Variants in CFDP1 observed in about 807,000 individuals in gnomAD.
CFDP1 encodes the protein heterochromatin-stabilizing protein CFDP1.
CFDP1 carries 31 observed loss-of-function variants against 40.1 expected under a neutral mutation model. That is an observed-to-expected ratio of 0.77 (90% CI 0.58 to 1.04). The LOEUF (loss-of-function observed/expected upper bound fraction) is 1.04. Ranked by LOEUF, CFDP1 falls within the 50% of genes least tolerant of loss-of-function variation. The probability of loss-of-function intolerance (pLI) is 0.00; values close to 1 mark genes in which losing one functional copy is unlikely to be tolerated. For missense variants in CFDP1, 423 were observed against 343.4 expected, an observed-to-expected ratio of 1.23 and a Z score of -1.83; for synonymous variants, 167 against 120.0, an observed-to-expected ratio of 1.39 and a Z score of -2.56.
At position 75,395,102 on chromosome 16, in the gene CFDP1, G is replaced by C. The variant is rs2078985337; in HGVS notation, c.638C>G (p.Pro213Arg). ...ANVPSALPSLPAGSGLKRSSG... is the reference protein window; with the variant it reads ...ANVPSALPSLRAGSGLKRSSG... ...CTCAAATACTCACCCTGACCCGGCA[G>C]GGAGTGATGGCAGAGCTGAAGGAAC... Residue 213 changes from proline (P) to arginine (R), a missense_variant, in exon 5 of 7, where the codon CCT becomes CGT. Coordinates refer to ENST00000283882, the MANE Select transcript of CFDP1 (RefSeq NM_006324.3). 1 of 1,613,866 alleles carries C rather than the reference G, an allele frequency of 6.2e-7. No individual in the cohort carries two copies. The highest frequency in any genetic ancestry group is 2.2e-5 in the East Asian group (1 of 44,868).
chr16:75,377,614 T>C (rs1036724601), intron 5 of CFDP1, among the ~76,000 whole-genome samples: 1 of 152,180 alleles, frequency 6.6e-6, no homozygotes, highest in Non-Finnish European at 1.5e-5. Context: ...ACTCCTTGTG[T>C]TCAAGTACAA....
rs1360849534 is a variant in CFDP1, at chr16:75,405,683, A to G, written c.530+6142T>C. ...GGAGAACTGCTTGAACCAAGGAGGT[A>G]AAGTTGCAGTGAGCTGAGATTGTGT... On this transcript the variant is annotated intron_variant, in intron 4 of 6. Coordinates refer to ENST00000283882, the MANE Select transcript of CFDP1 (RefSeq NM_006324.3). 9.9e-5 allele frequency among the ~76,000 whole-genome samples: 15 copies of G among 151,860 alleles called. 1 individual carries two copies. The highest frequency in any genetic ancestry group is 8.3e-4 in the South Asian group (4 of 4,796).
chr16:75,422,828 G>A (rs2865527), intron 1 of CFDP1, among the ~76,000 whole-genome samples: 113,032 of 151,370 alleles, frequency 0.75, 42,160 homozygotes, highest in Middle Eastern at 0.79. Context: ...CCTGGGTGAC[G>A]GAGCAAAACC....
At chr16:75,391,841 C>T (rs1221773412) in intron 5 of CFDP1, among the ~76,000 whole-genome samples, 1 of 151,776 alleles carries the variant, frequency 6.6e-6, no homozygotes. Context: ...TGGTGGCGGG[C>T]GCCTGTAATC....
At chr16:75,349,919 A>G (rs556436667) in intron 5 of CFDP1, among the ~76,000 whole-genome samples, 1 of 151,808 alleles carries the variant, frequency 6.6e-6, no homozygotes, top group South Asian at 2.1e-4. Flanking sequence ...AATACAAAGT[A>G]GAATAGAGAT....
At chr16:75,387,045 C>T (rs2078904059) in intron 5 of CFDP1, among the ~76,000 whole-genome samples, 1 of 151,926 alleles carries the variant, frequency 6.6e-6, no homozygotes, top group Admixed American at 6.6e-5. Context: ...TATTTTAAAA[C>T]AAATTAAGAA....
chr16:75,374,716 C>T (rs2078778956), intron 5 of CFDP1, among the ~76,000 whole-genome samples: 2 of 151,976 alleles, frequency 1.3e-5, no homozygotes, highest in African/African-American at 4.8e-5. Context: ...TATTTTAGCC[C>T]TATTAAATAT....
At chr16:75,330,985 A>AAAAAAAAAC (rs1555554967) in intron 5 of CFDP1, among the ~76,000 whole-genome samples, 1 of 142,616 alleles carries the variant, frequency 7.0e-6, no homozygotes. Flanking sequence ...AAAAAAAAAA[A>AAAAAAAAAC]CACAAAGTGG....
chr16:75,306,754 G>A (rs1280669063), intron 5 of CFDP1, among the ~76,000 whole-genome samples: 1 of 152,144 alleles, frequency 6.6e-6, no homozygotes, highest in Non-Finnish European at 1.5e-5. Flanking sequence ...TTTCTCATTA[G>A]TTACTTTACT....
chr16:75,378,595 C>T (rs2078823297), intron 5 of CFDP1, among the ~76,000 whole-genome samples: 1 of 152,056 alleles, frequency 6.6e-6, no homozygotes, highest in African/African-American at 2.4e-5. Flanking sequence ...AAAATCTACG[C>T]CTTCAAGCTC....
intron 5 of CFDP1, among the ~76,000 whole-genome samples, chr16:75,344,952 G>GA (rs1189413572): frequency 6.6e-6 from 1 of 151,930 alleles, no homozygotes; most frequent in Non-Finnish European, 1.5e-5. Flanking sequence ...AAAGAAGAAA[G>GA]AAAAAAAGAA....
rs370390074 is a variant in CFDP1, at chr16:75,425,890, G to A, written c.64+7399C>T. ...ATCTCCACTAAAAATACAAAAATTA[G>A]CCAGGCGTGGTGGCAGGCGCCTATA... On this transcript the variant is annotated intron_variant, in intron 1 of 6. Transcript: ENST00000283882. Among the ~76,000 whole-genome samples, 15 of 150,626 alleles carry A rather than the reference G, an allele frequency of 1.0e-4. No individual in the cohort carries two copies. The East Asian group carries it at 1.2e-3, about 12-fold the overall frequency.
intron 5 of CFDP1, among the ~76,000 whole-genome samples, chr16:75,360,938 T>C (rs1271890418): frequency 2.0e-5 from 3 of 152,186 alleles, no homozygotes; most frequent in African/African-American, 4.8e-5. Flanking sequence ...TTCCACACCA[T>C]CTCTAGAAAC....
intron 1 of CFDP1, among the ~76,000 whole-genome samples, chr16:75,419,639 G>A (rs1280063653): frequency 6.6e-6 from 1 of 152,146 alleles, no homozygotes. Flanking sequence ...TAAGTCACAC[G>A]ATAAGCTAGA....
intron 4 of CFDP1, among the ~76,000 whole-genome samples, chr16:75,404,703 T>TA (rs959392870): frequency 0.019 from 2,658 of 139,528 alleles, 70 homozygotes; most frequent in African/African-American, 0.064. Context: ...CCTGGACTCT[T>TA]AAAAAAAAAA....
At chr16:75,356,433 G>C (rs549756310) in intron 5 of CFDP1, among the ~76,000 whole-genome samples, 2 of 152,148 alleles carry the variant, frequency 1.3e-5, no homozygotes, top group Admixed American at 6.5e-5. Flanking sequence ...CTGTCTGAGC[G>C]GTATGTCTCA....
At chr16:75,318,072 G>A (rs934587609) in intron 5 of CFDP1, among the ~76,000 whole-genome samples, 1 of 152,106 alleles carries the variant, frequency 6.6e-6, no homozygotes, top group African/African-American at 2.4e-5. Flanking sequence ...AGTGTGCCGA[G>A]ATCGCGCCAC....
intron 5 of CFDP1, among the ~76,000 whole-genome samples, chr16:75,383,711 C>T (rs548515903): frequency 1.3e-5 from 2 of 150,954 alleles, no homozygotes; most frequent in African/African-American, 4.9e-5. Context: ...CCCAGCTACT[C>T]GGGAAGCTGA....
intron 4 of CFDP1, among the ~76,000 whole-genome samples, chr16:75,407,007 A>C (rs1305044321): frequency 6.6e-6 from 1 of 152,106 alleles, no homozygotes; most frequent in Non-Finnish European, 1.5e-5. Context: ...GGTGACAGAG[A>C]CTCCATCTCA....
Sources: gnomAD v4.1 joint callset for allele counts (sites outside exome capture counted in the v4.1 genomes callset) on GRCh38, gnomAD v4.1.1 for gene constraint, MANE v1.5 for transcripts, NCBI Gene and HGNC (gene_info 2026-07-23, HGNC 2026-07-21) for gene names.